GRIK4: variants seen among roughly 807,000 people sequenced by gnomAD.
GRIK4 encodes the protein glutamate receptor ionotropic, kainate 4.
In GRIK4, 40 loss-of-function variants were observed where a neutral mutation model predicts 104.9. The ratio of observed to expected loss-of-function variants is 0.38; its 90% CI spans 0.30 to 0.50. The LOEUF (loss-of-function observed/expected upper bound fraction) is 0.50, where lower values mean the gene tolerates loss of function less well. GRIK4 is among the 20% of genes least tolerant of loss of function. The pLI, the probability that GRIK4 is intolerant of heterozygous loss-of-function variation, is 0.93. For missense variants in GRIK4, 1,047 were observed against 1,308.1 expected, an observed-to-expected ratio of 0.80 and a Z score of 3.08; for synonymous variants, 485 against 524.9, an observed-to-expected ratio of 0.92 and a Z score of 1.04.
intron 3 of GRIK4, among the ~76,000 whole-genome samples, chr11:120,716,737 G>A (rs1364871503): frequency 6.6e-6 from 1 of 152,086 alleles, no homozygotes; most frequent in Middle Eastern, 3.2e-3. Context: ...CTCTGCACAG[G>A]AATCCTTCCA....
intron 1 of GRIK4, among the ~76,000 whole-genome samples, chr11:120,554,811 G>A (rs1042480458): frequency 6.6e-6 from 1 of 152,108 alleles, no homozygotes; most frequent in Non-Finnish European, 1.5e-5. Flanking sequence ...TGCCTGCCTT[G>A]GCCTCCCAAA....
chr11:120,917,484 T>C (rs561527679), intron 13 of GRIK4, among the ~76,000 whole-genome samples: 1 of 151,932 alleles, frequency 6.6e-6, no homozygotes, highest in Non-Finnish European at 1.5e-5. Context: ...TGTAAGATAA[T>C]AAAGTGTAGG....
chr11:120,631,203 C>T (rs1165948752), intron 1 of GRIK4, among the ~76,000 whole-genome samples: 3 of 152,248 alleles, frequency 2.0e-5, no homozygotes, highest in Non-Finnish European at 4.4e-5. Flanking sequence ...TGATCATTGT[C>T]GTCATTTCAT....
At chr11:120,625,985 T>G (rs975478013) in intron 1 of GRIK4, among the ~76,000 whole-genome samples, 2 of 152,138 alleles carry the variant, frequency 1.3e-5, no homozygotes, top group African/African-American at 4.8e-5. Context: ...GCCAACTTCA[T>G]CTGCTGAGGT....
At chr11:120,695,826 G>C (rs7126415) in intron 3 of GRIK4, among the ~76,000 whole-genome samples, 84,150 of 152,142 alleles carry the variant, frequency 0.55, 24,228 homozygotes, top group African/African-American at 0.71. Flanking sequence ...GATAACTGAG[G>C]GCAGCCAAGG....
intron 3 of GRIK4, among the ~76,000 whole-genome samples, chr11:120,669,594 C>T (rs531978354): frequency 1.9e-4 from 29 of 152,370 alleles, no homozygotes; most frequent in African/African-American, 6.5e-4. Flanking sequence ...TGTCCCCAGG[C>T]CCCATCTTAC....
At chr11:120,518,262 C>T (rs1947754580) in intron 1 of GRIK4, among the ~76,000 whole-genome samples, 2 of 152,190 alleles carry the variant, frequency 1.3e-5, no homozygotes, top group Non-Finnish European at 2.9e-5. Flanking sequence ...TGCAAGCCCA[C>T]CCTGGCCTCC....
chr11:120,523,206 C>T (rs1361329058), intron 1 of GRIK4, among the ~76,000 whole-genome samples: 1 of 150,464 alleles, frequency 6.6e-6, no homozygotes, highest in Non-Finnish European at 1.5e-5. Flanking sequence ...TAGCATCAGC[C>T]GACTCTCCTT....
intron 1 of GRIK4, among the ~76,000 whole-genome samples, chr11:120,512,412 C>G (rs1432868014): frequency 6.6e-6 from 1 of 151,966 alleles, no homozygotes; most frequent in East Asian, 1.9e-4. Context: ...GCCCCCTCCC[C>G]CTTTCCTCAC....
chr11:120,789,228 C>T (rs1021196295), intron 3 of GRIK4, among the ~76,000 whole-genome samples: 1 of 152,122 alleles, frequency 6.6e-6, no homozygotes, highest in East Asian at 1.9e-4. Flanking sequence ...CTAAACAGTG[C>T]GCCCCGAACT....
intron 3 of GRIK4, among the ~76,000 whole-genome samples, chr11:120,737,105 AG>A (rs1951238696): frequency 6.6e-6 from 1 of 152,208 alleles, no homozygotes; most frequent in Non-Finnish European, 1.5e-5. Context: ...TATACTCATG[AG>A]TTCATAATGC....
chr11:120,937,364 A>G (rs1289846622), intron 13 of GRIK4, among the ~76,000 whole-genome samples: 1 of 152,220 alleles, frequency 6.6e-6, no homozygotes, highest in Non-Finnish European at 1.5e-5. Flanking sequence ...AGGTAAAATA[A>G]CGAAGGCACA....
At chr11:120,559,065 C>T (rs1948214437) in intron 1 of GRIK4, among the ~76,000 whole-genome samples, 1 of 152,226 alleles carries the variant, frequency 6.6e-6, no homozygotes, top group Non-Finnish European at 1.5e-5. Context: ...GAAGCCTTCT[C>T]TGTTCTCAGC....
chr11:120,980,727 T>C (rs79429706), intron 19 of GRIK4, among the ~76,000 whole-genome samples: 1 of 152,100 alleles, frequency 6.6e-6, no homozygotes, highest in Admixed American at 6.6e-5. Context: ...TACTCAAGAG[T>C]TGACTGTGGT....
At chr11:120,528,318 A>G (rs148757024) in intron 1 of GRIK4, among the ~76,000 whole-genome samples, 4,440 of 152,068 alleles carry the variant, frequency 0.029, 94 homozygotes, top group Non-Finnish European at 0.044. Context: ...TCACAGTGTT[A>G]GCCAGGATGG....
chr11:120,720,740 T>A lies in GRIK4; in HGVS notation c.82+60340T>A, dbSNP rs375882719. ...ATAGGGAGGGAGGTAGATTTAAGAG[T>A]TTAGCTATATTTTAAGAAGTTAAGG... is the stretch of plus-strand genomic sequence containing the variant. On this transcript the variant is annotated intron_variant, in intron 3 of 20. Transcript: ENST00000527524. Among the ~76,000 whole-genome samples the A allele has an allele frequency of 2.6e-3, 395 of 152,022 alleles. 1 individual carries two copies. The highest frequency in any genetic ancestry group is 0.014 in the Middle Eastern group (4 of 294).
intron 3 of GRIK4, among the ~76,000 whole-genome samples, chr11:120,694,254 C>A (rs1372041074): frequency 6.6e-6 from 1 of 152,122 alleles, no homozygotes; most frequent in African/African-American, 2.4e-5. Flanking sequence ...GGGAAAAGAA[C>A]CCTGGGCTAA....
chr11:120,960,882 A>C, intron 16 of GRIK4, 27 bp from the exon 17 acceptor site: 1 of 1,601,228 alleles, frequency 6.2e-7, no homozygotes, highest in Non-Finnish European at 8.5e-7. Context: ...CCGGGCAATG[A>C]TGACTTCCTC....
Position 120,527,823 on chromosome 11 carries a change from C to T in GRIK4, c.-159+15936C>T, listed in dbSNP as rs572738215. On this transcript the variant is annotated intron_variant, in intron 1 of 20. Transcript: ENST00000527524. The stretch of plus-strand genomic sequence containing the variant: ...AAAGAGGGCCTGGTGGTCCCACTCA[C>T]GGGTGGAGGAAGAGGCTTCTTTACC... Among the ~76,000 whole-genome samples, 9 of 152,338 alleles carry T rather than the reference C, an allele frequency of 5.9e-5. No homozygotes were observed. The South Asian group carries it at 6.2e-4, about 11-fold the overall frequency.
Sources: gnomAD v4.1 joint callset for allele counts (sites outside exome capture counted in the v4.1 genomes callset) on GRCh38, gnomAD v4.1.1 for gene constraint, MANE v1.5 for transcripts, NCBI Gene and HGNC (gene_info 2026-07-23, HGNC 2026-07-21) for gene names.